Variants in ACBD5 observed in about 807,000 individuals in gnomAD.
ACBD5 encodes the protein acyl-CoA binding domain containing 5, also known as acyl-CoA-binding domain-containing protein 5.
ACBD5 carries 40 observed loss-of-function variants against 71.8 expected under a neutral mutation model. The observed-to-expected ratio is 0.56, with a 90% CI of 0.43 to 0.72. The LOEUF (loss-of-function observed/expected upper bound fraction) is 0.72. Ranked by LOEUF, ACBD5 falls within the 30% of genes least tolerant of loss-of-function variation. ACBD5 has a pLI of 0.00. For synonymous variants in ACBD5, 229 were observed against 218.6 expected, an observed-to-expected ratio of 1.05 and a Z score of -0.42; for missense variants, 559 against 644.5, an observed-to-expected ratio of 0.87 and a Z score of 1.44.
chr10:27,200,750 C>T (rs542928459), intron 12 of ACBD5, among the ~76,000 whole-genome samples: 2 of 152,280 alleles, frequency 1.3e-5, no homozygotes, highest in East Asian at 1.9e-4. Context: ...TGAGCCACCG[C>T]GTCCGGCCTA....
At chr10:27,215,373 T>G (rs1260088743) in intron 8 of ACBD5, among the ~76,000 whole-genome samples, 162 bp downstream of exon 8, 2 of 152,172 alleles carry the variant, frequency 1.3e-5, no homozygotes, top group African/African-American at 4.8e-5. Context: ...TTTACCTATT[T>G]TTGAATTCAT....
At chr10:27,207,101 C>A (rs1346843898) in intron 10 of ACBD5, among the ~76,000 whole-genome samples, 1 of 151,494 alleles carries the variant, frequency 6.6e-6, no homozygotes, top group Non-Finnish European at 1.5e-5. Context: ...CATGGTGAAG[C>A]CCCGTCTCTA....
chr10:27,234,707 G>A (rs2064400945), intron 3 of ACBD5, among the ~76,000 whole-genome samples: 1 of 152,194 alleles, frequency 6.6e-6, no homozygotes, highest in Non-Finnish European at 1.5e-5. Flanking sequence ...CGAGGTGGGC[G>A]GACCACCTGA....
chr10:27,198,016 T>G (rs1434157514), intron 12 of ACBD5, among the ~76,000 whole-genome samples: 1 of 152,238 alleles, frequency 6.6e-6, no homozygotes, highest in South Asian at 2.1e-4. Flanking sequence ...AATTGGCTAT[T>G]ACACAATTAA....
rs4018758 is a variant in ACBD5 at position 27,183,269 on chromosome 10, TTTGTTG to T, written c.1494-560_1494-555del. ...TCATTAGCAGCTGCCTTAAAATTCT[TTTGTTG>T]TTGTTGTTGTTGTTGTTGTTGTTGA... is the stretch of plus-strand genomic sequence containing the variant. On this transcript the variant is annotated intron_variant, in intron 13 of 13. Transcript: ENST00000676511. 1.7e-3 allele frequency among the ~76,000 whole-genome samples: 259 copies of T among 150,234 alleles called. 1 individual carries two copies. Among genetic ancestry groups the T allele is most frequent in the Middle Eastern group, 3.4e-3 (1 of 294 alleles).
intron 9 of ACBD5, among the ~76,000 whole-genome samples, chr10:27,208,906 GCTC>G (rs2060761475): frequency 6.6e-6 from 1 of 152,086 alleles, no homozygotes; most frequent in Non-Finnish European, 1.5e-5. Flanking sequence ...AAACTGCTGA[GCTC>G]AAAGAAATTG....
rs1358852222 is a variant in ACBD5, at chr10:27,223,282, T to G, written c.490+56A>C. On this transcript the variant is annotated intron_variant, in intron 5 of 12. Coordinates refer to ENST00000396271, the MANE Select transcript of ACBD5 (RefSeq NM_145698.5). ...GAAAAAAAATCAGAGATACAAATAT[T>G]AATATGTGCATAATATATCAGTTGA... 3 of 1,272,640 alleles carry G rather than the reference T, an allele frequency of 2.4e-6. No homozygotes were observed. The East Asian group carries it at 7.0e-5, about 30-fold the overall frequency. The allele number at this position is 1,272,640 out of a possible 1,614,324, so 78.8% of individuals were successfully genotyped here.
intron 2 of ACBD5, among the ~76,000 whole-genome samples, chr10:27,238,150 T>G (rs1237585610): frequency 2.0e-5 from 3 of 152,134 alleles, no homozygotes; most frequent in African/African-American, 7.2e-5. Context: ...TTTCACCGTA[T>G]TAGCCAGGAT....
At chr10:27,184,554 A>ATTTTTTTTTTTTTTTTTTTTTTTTTTTT (rs752147433) in intron 13 of ACBD5, among the ~76,000 whole-genome samples, 1 of 84,848 alleles carries the variant, frequency 1.2e-5, no homozygotes, top group Non-Finnish European at 2.1e-5. Flanking sequence ...TATAAGAAGG[A>ATTTTTTTTTTTTTTTTTTTTTTTTTTTT]TTTTTTTTTT....
intron 13 of ACBD5, among the ~76,000 whole-genome samples, chr10:27,187,707 A>AGAT (rs1260140215): frequency 2.0e-5 from 3 of 151,334 alleles, no homozygotes; most frequent in Non-Finnish European, 4.4e-5. Flanking sequence ...AGCTGAGATC[A>AGAT]CATCACTGCA....
rs147288862 is a variant in ACBD5 at position 27,219,830 on chromosome 10, G to A, written c.518C>T (p.Pro173Leu). 79 of 1,613,808 alleles carry A rather than the reference G, an allele frequency of 4.9e-5. No individual in the cohort carries two copies. The highest frequency in any genetic ancestry group is 6.4e-5 in the Non-Finnish European group (76 of 1,179,980). Residue 173 changes from proline (P) to leucine (L), a missense_variant, in exon 6 of 13, where the codon CCA becomes CTA. Coordinates refer to ENST00000396271, the MANE Select transcript of ACBD5 (RefSeq NM_145698.5). ...TTTACCATTAACGGTTTTGGCGTTT[G>A]GAGTAGAAGTGAGAACATTACCAAG... is the stretch of plus-strand genomic sequence containing the variant. ...SDLGNVLTST[P>L]NAKTVNGKAE... is the part of the protein sequence containing the mutation.
intron 2 of ACBD5, among the ~76,000 whole-genome samples, chr10:27,238,311 A>G (rs925002322): frequency 6.6e-6 from 1 of 152,196 alleles, no homozygotes; most frequent in Non-Finnish European, 1.5e-5. Context: ...ACTTTCTTAA[A>G]TGTTATGTAC....
chr10:27,225,867 A>C (rs1589266041), intron 4 of ACBD5, among the ~76,000 whole-genome samples: 2 of 151,832 alleles, frequency 1.3e-5, no homozygotes, highest in African/African-American at 4.8e-5. Context: ...CCTGACCACC[A>C]AGCAACACCT....
chr10:27,225,346 A>G (rs924289177), intron 4 of ACBD5, among the ~76,000 whole-genome samples: 13 of 152,180 alleles, frequency 8.5e-5, no homozygotes, highest in Admixed American at 6.5e-5. Flanking sequence ...AAGATGGATC[A>G]TTGGTGGTCT....
chr10:27,185,829 C>T (rs1010937520), intron 13 of ACBD5, among the ~76,000 whole-genome samples: 1 of 151,028 alleles, frequency 6.6e-6, no homozygotes, highest in Admixed American at 6.6e-5. Flanking sequence ...GTGACTCACA[C>T]CTGTAATCCC....
At chr10:27,233,220 A>T (rs2064132309) in intron 3 of ACBD5, among the ~76,000 whole-genome samples, 1 of 152,106 alleles carries the variant, frequency 6.6e-6, no homozygotes, top group South Asian at 2.1e-4. Flanking sequence ...TTAGGTCAGG[A>T]GTTCGAGACT....
At chr10:27,194,612 A>AAATAATAATAATAATAAT (rs60916474), downstream of ACBD5, among the ~76,000 whole-genome samples, 31 of 135,580 alleles carry the variant, frequency 2.3e-4, no homozygotes, top group African/African-American at 4.6e-4. Flanking sequence ...ACTCCATCTC[A>AAATAATAATAATAATAAT]AATAATAATA....
At chr10:27,222,534 C>T (rs1434047785) in intron 5 of ACBD5, among the ~76,000 whole-genome samples, 2 of 152,070 alleles carry the variant, frequency 1.3e-5, no homozygotes, top group African/African-American at 4.8e-5. Context: ...AGTTAAACCA[C>T]ACCCTAAACA....
At position 27,211,036 on chromosome 10, in the gene ACBD5, A is replaced by G. The variant is rs376530819; in HGVS notation, c.982T>C (p.Leu328=). The change falls in exon 9 of 13, where the codon TTG becomes CTG. Residue 328 remains leucine, a synonymous_variant. Coordinates refer to ENST00000396271, the MANE Select transcript of ACBD5 (RefSeq NM_145698.5). ...TSNNGPFQYY[L]GGHSSQPMEN... Reference sequence around the variant, plus strand: ...ATGGGTTGACTGGAATGACCACCCAAGTAATACTGAAATGGTCCATTGTTG... The same window carrying G: ...ATGGGTTGACTGGAATGACCACCCAGGTAATACTGAAATGGTCCATTGTTG... 22 of 1,614,062 alleles carry G rather than the reference A, an allele frequency of 1.4e-5. No homozygotes were observed. In the African/African-American group the frequency reaches 1.7e-4, roughly 13 times the overall value.
Sources: allele counts gnomAD v4.1 joint callset (sites outside exome capture counted in the v4.1 genomes callset), GRCh38; gene constraint gnomAD v4.1.1; transcripts MANE v1.5; gene names NCBI Gene and HGNC (gene_info 2026-07-23, HGNC 2026-07-21).